Variants in CYP2J2 observed in about 807,000 individuals in gnomAD.
CYP2J2 encodes the protein cytochrome P450 2J2.
CYP2J2 carries 41 observed loss-of-function variants against 48.8 expected under a neutral mutation model. The ratio of observed to expected loss-of-function variants is 0.84; its 90% confidence interval spans 0.66 to 1.09. The LOEUF is 1.09. Ranked by LOEUF, CYP2J2 falls within the 50% of genes least tolerant of loss-of-function variation. The pLI, the probability that CYP2J2 is intolerant of heterozygous loss-of-function variation, is 0.00. For missense variants in CYP2J2, 644 were observed against 617.3 expected, an observed-to-expected ratio of 1.04 and a Z score of -0.46; for synonymous variants, 221 against 227.1, an observed-to-expected ratio of 0.97 and a Z score of 0.24.
the CYP2J2 span, among the ~76,000 whole-genome samples, chr1:59,933,708 C>T: frequency 5.9e-5 from 9 of 151,894 alleles, no homozygotes; most frequent in African/African-American, 2.2e-4. Context: ...TTGAAAACTG[C>T]AAGACATCGC....
At chr1:59,905,142 C>A in intron 6 of CYP2J2, 84 bp from the exon 7 acceptor site, 1 of 1,362,264 alleles carries the variant, frequency 7.3e-7, no homozygotes, top group Non-Finnish European at 1.0e-6. Flanking sequence ...AAGATGTCAT[C>A]TGTTGTATTT....
the CYP2J2 span, among the ~76,000 whole-genome samples, chr1:59,935,029 T>TATATACAC: frequency 9.2e-4 from 93 of 100,896 alleles, 2 homozygotes; most frequent in African/African-American, 3.6e-3. Flanking sequence ...TATATATATA[T>TATATACAC]ATATATATAT....
upstream of CYP2J2, among the ~76,000 whole-genome samples, chr1:59,929,077 CAG>C (rs1466057386): frequency 6.6e-6 from 1 of 152,214 alleles, no homozygotes; most frequent in East Asian, 1.9e-4. Context: ...CCAACAGGGG[CAG>C]ACAGTTTTAA....
chr1:59,907,808 C>T lies in CYP2J2; in HGVS notation c.981G>A (p.Met327Ile). The T allele has an allele frequency of 6.2e-7, 1 of 1,613,838 alleles. No homozygotes were observed. Among genetic ancestry groups the T allele is most frequent in the African/African-American group, 1.3e-5 (1 of 74,956 alleles). The change falls in exon 6 of 9, where the codon ATG becomes ATA. Residue 327 changes from methionine (M) to isoleucine (I), a missense_variant. Physicochemically the swap from Met to Ile is conservative, Grantham distance 10. Coordinates refer to ENST00000371204, the MANE Select transcript of CYP2J2 (RefSeq NM_000775.4). ...CACCTTGGATTTCTGGGTAGAGGGC[C>T]ATATAAAGCAGAGCCCATCGCAGAG... ...STTLRWALLY[M>I]ALYPEIQEKV... is the part of the protein sequence containing the mutation.
the CYP2J2 span, among the ~76,000 whole-genome samples, chr1:59,948,388 T>C: frequency 2.0e-5 from 3 of 152,212 alleles, no homozygotes; most frequent in Non-Finnish European, 2.9e-5. Context: ...TATGCACATC[T>C]ATTAGTAAAA....
intron 1 of CYP2J2, among the ~76,000 whole-genome samples, chr1:59,921,602 C>T (rs1644516095): frequency 6.6e-6 from 1 of 151,910 alleles, no homozygotes; most frequent in African/African-American, 2.4e-5. Flanking sequence ...TTCTAGGTCT[C>T]TTTAGGGTTA....
upstream of CYP2J2, among the ~76,000 whole-genome samples, chr1:59,927,731 C>T (rs150787238): frequency 1.7e-3 from 259 of 152,264 alleles, no homozygotes; most frequent in African/African-American, 5.9e-3. Context: ...TGCCACCATG[C>T]CCGGCTAATT....
chr1:59,921,821 A>C (rs1286412843), intron 1 of CYP2J2, among the ~76,000 whole-genome samples: 1 of 152,110 alleles, frequency 6.6e-6, no homozygotes, highest in Non-Finnish European at 1.5e-5. Context: ...TTATGGATAG[A>C]CTGTGTTTCT....
chr1:59,953,808 C>T, the CYP2J2 span, among the ~76,000 whole-genome samples: 1 of 152,030 alleles, frequency 6.6e-6, no homozygotes, highest in Non-Finnish European at 1.5e-5. Flanking sequence ...AAGGGAAGAG[C>T]AGTGGAAGAT....
At chr1:59,954,423 T>A in the CYP2J2 span, among the ~76,000 whole-genome samples, 1 of 151,782 alleles carries the variant, frequency 6.6e-6, no homozygotes, top group Non-Finnish European at 1.5e-5. Flanking sequence ...TGAACATGAG[T>A]GGAAGTGGAG....
At chr1:59,958,524 G>GCCGCTTGC in the CYP2J2 span, among the ~76,000 whole-genome samples, 15 of 151,692 alleles carry the variant, frequency 9.9e-5, no homozygotes, top group African/African-American at 3.4e-4. Flanking sequence ...CCTTCTCATT[G>GCCGCTTGC]CCTTTCCTTC....
At chr1:59,913,191 T>C (rs375770667) in intron 2 of CYP2J2, 2 of 152,178 alleles carry the variant, frequency 1.3e-5, no homozygotes, top group East Asian at 3.9e-4. Flanking sequence ...GTCCTAATTC[T>C]CTGCCAGCAA....
the CYP2J2 span, among the ~76,000 whole-genome samples, chr1:59,965,564 GT>G: frequency 6.6e-6 from 1 of 152,216 alleles, no homozygotes; most frequent in Non-Finnish European, 1.5e-5. Context: ...CACTTGCTGT[GT>G]GGTTGTCCTG....
At chr1:59,934,229 T>C in the CYP2J2 span, among the ~76,000 whole-genome samples, 1 of 151,864 alleles carries the variant, frequency 6.6e-6, no homozygotes, top group African/African-American at 2.4e-5. Context: ...CAGACAAAAA[T>C]AAACTCAAAA....
At chr1:59,933,714 A>G in the CYP2J2 span, among the ~76,000 whole-genome samples, 6 of 152,170 alleles carry the variant, frequency 3.9e-5, no homozygotes, top group African/African-American at 1.4e-4. Flanking sequence ...ACTGCAAGAC[A>G]TCGCTAAAAA....
chr1:59,956,030 C>T, the CYP2J2 span, among the ~76,000 whole-genome samples: 1 of 151,978 alleles, frequency 6.6e-6, no homozygotes, highest in Non-Finnish European at 1.5e-5. Context: ...TTTATATATA[C>T]AGAGATGTAT....
At chr1:59,939,371 G>A in the CYP2J2 span, among the ~76,000 whole-genome samples, 7 of 152,098 alleles carry the variant, frequency 4.6e-5, no homozygotes, top group Non-Finnish European at 8.8e-5. Flanking sequence ...ACAAGATCTC[G>A]AAGAATTCTC....
the CYP2J2 span, among the ~76,000 whole-genome samples, chr1:59,965,208 G>A: frequency 6.6e-6 from 1 of 152,228 alleles, no homozygotes; most frequent in Non-Finnish European, 1.5e-5. Flanking sequence ...TTAGGTTTGA[G>A]ATATCTCTTA....
intron 7 of CYP2J2, among the ~76,000 whole-genome samples, chr1:59,903,465 G>T (rs571317129): frequency 1.4e-4 from 21 of 152,260 alleles, no homozygotes; most frequent in Admixed American, 3.9e-4. Context: ...TATAATGGGA[G>T]GTAAACATCG....
Sources: allele counts gnomAD v4.1 joint callset (sites outside exome capture counted in the v4.1 genomes callset), GRCh38; gene constraint gnomAD v4.1.1; transcripts MANE v1.5; gene names NCBI Gene and HGNC (gene_info 2026-07-23, HGNC 2026-07-21).